FSTL5: variants seen among roughly 807,000 people sequenced by gnomAD.
FSTL5 encodes the protein follistatin like 5, also known as follistatin-related protein 5.
In FSTL5, 62 loss-of-function variants were observed where a neutral mutation model predicts 89.1. That is an observed-to-expected ratio of 0.70 (90% CI 0.57 to 0.86). The LOEUF (loss-of-function observed/expected upper bound fraction) is 0.86. Ranked by LOEUF, FSTL5 falls within the 40% of genes least tolerant of loss-of-function variation. The probability of loss-of-function intolerance (pLI) is 0.00; values close to 1 mark genes in which losing one functional copy is unlikely to be tolerated. For missense variants in FSTL5, 1,057 were observed against 1,001.6 expected (o/e 1.06, Z -0.75); for synonymous variants, 383 against 346.2 (o/e 1.11, Z -1.18).
At chr4:161,719,354 G>T (rs184988618) in intron 6 of FSTL5, among the ~76,000 whole-genome samples, 1 of 152,148 alleles carries the variant, frequency 6.6e-6, no homozygotes. Flanking sequence ...GCTTTGAAAT[G>T]GATTTTAATG....
chr4:162,087,294 T>G (rs1730358484), intron 2 of FSTL5, among the ~76,000 whole-genome samples: 1 of 152,114 alleles, frequency 6.6e-6, no homozygotes, highest in South Asian at 2.1e-4. Flanking sequence ...AAAGTTAGGT[T>G]GAGCAAAGAA....
chr4:161,608,597 C>T (rs539838200), intron 7 of FSTL5, among the ~76,000 whole-genome samples: 124 of 151,304 alleles, frequency 8.2e-4, no homozygotes, highest in African/African-American at 2.3e-3. Context: ...TTACAAAAAA[C>T]GATAAAGAAA....
intron 7 of FSTL5, among the ~76,000 whole-genome samples, chr4:161,625,868 T>C (rs1735299226): frequency 6.6e-6 from 1 of 152,102 alleles, no homozygotes. Context: ...TAGAGAAAGT[T>C]TGAGTGGTCT....
chr4:161,504,888 T>C (rs538713630), intron 11 of FSTL5, among the ~76,000 whole-genome samples: 1 of 152,156 alleles, frequency 6.6e-6, no homozygotes, highest in African/African-American at 2.4e-5. Flanking sequence ...AGCAATACAA[T>C]TTGATTAATT....
chr4:161,810,200 A>G (rs1205617440), intron 4 of FSTL5, among the ~76,000 whole-genome samples: 1 of 152,202 alleles, frequency 6.6e-6, no homozygotes, highest in Admixed American at 6.5e-5. Context: ...TAAAGTAAGA[A>G]CAATATTAAA....
intron 15 of FSTL5, among the ~76,000 whole-genome samples, chr4:161,419,000 TAA>T (rs1344973714): frequency 1.3e-5 from 2 of 152,212 alleles, no homozygotes; most frequent in Admixed American, 6.5e-5. Flanking sequence ...AGCTTTAATA[TAA>T]GAGTCACTCA....
chr4:161,669,124 A>AT (rs1033191610), intron 6 of FSTL5, among the ~76,000 whole-genome samples: 31 of 127,724 alleles, frequency 2.4e-4, no homozygotes, highest in South Asian at 3.3e-4. Context: ...AAAAAAAAAA[A>AT]AAATAAAATA....
intron 4 of FSTL5, among the ~76,000 whole-genome samples, chr4:161,798,458 A>C (rs1256398771): frequency 2.0e-5 from 3 of 149,270 alleles, no homozygotes; most frequent in Non-Finnish European, 1.5e-5. Context: ...AAAATAAAGA[A>C]ATGCCCATTG....
intron 4 of FSTL5, among the ~76,000 whole-genome samples, chr4:161,845,260 TG>T (rs1251480281): frequency 5.3e-5 from 8 of 152,196 alleles, no homozygotes; most frequent in Admixed American, 2.0e-4. Flanking sequence ...AAAACATTGT[TG>T]TTTTTTTTGT....
chr4:162,106,000 G>C (rs977566099), intron 2 of FSTL5, among the ~76,000 whole-genome samples: 2 of 152,094 alleles, frequency 1.3e-5, no homozygotes, highest in African/African-American at 4.8e-5. Flanking sequence ...TTTCCCTAGA[G>C]TTCTCTACTG....
chr4:161,706,394 A>C (rs970343401), intron 6 of FSTL5, among the ~76,000 whole-genome samples: 2 of 152,032 alleles, frequency 1.3e-5, no homozygotes, highest in African/African-American at 4.8e-5. Context: ...GAAATAATTT[A>C]TCCTCAATAT....
chr4:161,421,414 T>A (rs540783382), intron 15 of FSTL5, among the ~76,000 whole-genome samples: 1 of 152,284 alleles, frequency 6.6e-6, no homozygotes, highest in African/African-American at 2.4e-5. Flanking sequence ...CATTATTTCT[T>A]CTTCTAGTGT....
chr4:162,024,019 G>T (rs1055524553), intron 3 of FSTL5, among the ~76,000 whole-genome samples: 1 of 152,086 alleles, frequency 6.6e-6, no homozygotes, highest in African/African-American at 2.4e-5. Context: ...TCTGGGAAAT[G>T]TAGCTTTTAA....
intron 4 of FSTL5, among the ~76,000 whole-genome samples, chr4:161,883,692 G>A (rs114947723): frequency 0.015 from 2,348 of 152,172 alleles, 56 homozygotes; most frequent in African/African-American, 0.054. Context: ...AAAAATTAAT[G>A]TGTAGGTTAA....
intron 1 of FSTL5, among the ~76,000 whole-genome samples, chr4:162,129,052 C>T (rs1732194362): frequency 6.6e-6 from 1 of 152,006 alleles, no homozygotes; most frequent in Non-Finnish European, 1.5e-5. Flanking sequence ...CCTGCCTCAG[C>T]CTCCCAAGTA....
At chr4:161,618,462 G>T (rs1382407131) in intron 7 of FSTL5, among the ~76,000 whole-genome samples, 2 of 137,640 alleles carry the variant, frequency 1.5e-5, no homozygotes, top group East Asian at 4.2e-4. Context: ...CTGTGGGTTT[G>T]TCATAGATAG....
intron 2 of FSTL5, among the ~76,000 whole-genome samples, chr4:162,082,569 T>G (rs2111336872): frequency 6.6e-6 from 1 of 151,490 alleles, no homozygotes; most frequent in Non-Finnish European, 1.5e-5. Flanking sequence ...ATGAAGATAT[T>G]TAAGTGTATA....
chr4:161,653,710 A>AT, intron 7 of FSTL5, among the ~76,000 whole-genome samples: 1 of 152,184 alleles, frequency 6.6e-6, no homozygotes, highest in East Asian at 1.9e-4. Flanking sequence ...TTTAACTGAT[A>AT]TTTTGCATTT....
At chr4:161,410,677 GCAAA>G (rs1275211832) in intron 15 of FSTL5, among the ~76,000 whole-genome samples, 2 of 152,058 alleles carry the variant, frequency 1.3e-5, no homozygotes, top group Admixed American at 6.6e-5. Context: ...TGAAATCAAT[GCAAA>G]CAGAGACACA....
Sources: gnomAD v4.1 joint callset for allele counts (sites outside exome capture counted in the v4.1 genomes callset) on GRCh38, gnomAD v4.1.1 for gene constraint, MANE v1.5 for transcripts, NCBI Gene and HGNC (gene_info 2026-07-23, HGNC 2026-07-21) for gene names.